The following ZNF354B variants were observed in gnomAD, a reference collection of about 807,000 sequenced individuals.
The protein encoded by ZNF354B is zinc finger protein 354B.
ZNF354B carries 10 observed loss-of-function variants against 12.9 expected under a neutral mutation model. That is an observed-to-expected ratio of 0.77 (90% CI 0.48 to 1.31). The LOEUF is 1.31. Among genes scored for constraint, ZNF354B ranks in the 40% most tolerant of loss-of-function variants. ZNF354B has a pLI of 0.00. For missense variants in ZNF354B, 614 were observed against 711.7 expected (o/e 0.86, Z 1.56); for synonymous variants, 260 against 243.7 (o/e 1.07, Z -0.62).
intron 4 of ZNF354B, among the ~76,000 whole-genome samples, chr5:178,872,247 G>C (rs1203101574): frequency 6.8e-6 from 1 of 148,046 alleles, no homozygotes; most frequent in East Asian, 1.9e-4. Flanking sequence ...TGTGTACAAC[G>C]TTATGGGATT....
intron 2 of ZNF354B, among the ~76,000 whole-genome samples, chr5:178,861,895 T>C (rs1035903919): frequency 6.6e-6 from 1 of 152,152 alleles, no homozygotes; most frequent in African/African-American, 2.4e-5. Context: ...GATGAAGGGA[T>C]CACATGAGTT....
chr5:178,863,875 A>G (rs1435906980), intron 2 of ZNF354B, among the ~76,000 whole-genome samples: 2 of 152,238 alleles, frequency 1.3e-5, no homozygotes, highest in Admixed American at 1.3e-4. Context: ...TAAAGTAAAA[A>G]TAAAATTAAA....
intron 4 of ZNF354B, among the ~76,000 whole-genome samples, chr5:178,870,085 G>A (rs1004492202): frequency 6.6e-6 from 1 of 152,146 alleles, no homozygotes; most frequent in African/African-American, 2.4e-5. Context: ...GCCAAGGTGG[G>A]AGGATCACTT....
intron 4 of ZNF354B, among the ~76,000 whole-genome samples, chr5:178,876,657 G>A (rs1757642879): frequency 6.6e-6 from 1 of 152,054 alleles, no homozygotes; most frequent in Non-Finnish European, 1.5e-5. Context: ...CCTATGGCCC[G>A]CTTAAACCTT....
At position 178,883,785 on chromosome 5, in the gene ZNF354B, A is replaced by G; in HGVS notation, c.1333A>G (p.Lys445Glu). 6.2e-7 allele frequency: 1 copy of G among 1,614,194 alleles called. No homozygotes were observed. The highest frequency in any genetic ancestry group is 2.2e-5 in the East Asian group (1 of 44,878). Residue 445 changes from lysine to glutamate, a missense_variant, in exon 5 of 5, where the codon AAA (lysine) becomes GAA (glutamate). By Grantham distance (56) the Lys-to-Glu change is moderately conservative. Transcript: ENST00000322434. ...EKLYNCNECG[K>E]ALSSHSTLII... ...ATTGTATAATTGTAATGAATGTGGT[A>G]AAGCCTTAAGCTCCCACTCAACACT...
rs867552856 is a variant in ZNF354B, at chr5:178,884,250, C to T, written c.1798C>T (p.His600Tyr). 1.2e-6 allele frequency: 2 copies of T among 1,606,574 alleles called. No individual in the cohort carries two copies. Among genetic ancestry groups the T allele is most frequent in the Middle Eastern group, 3.3e-4 (2 of 6,004 alleles). The change falls in exon 5 of 5, where the codon CAC becomes TAC. Residue 600 changes from histidine to tyrosine, a missense_variant. By Grantham distance (83) the His-to-Tyr change is moderately conservative. Transcript: ENST00000322434. ...RSSLTNHYKI[H>Y]IEEDSLKADL... is the part of the protein sequence containing the mutation. ...ATCCCTTACTAATCATTATAAAATT[C>T]ACATTGAAGAGGACTCCTTAAAAGC...
At chr5:178,868,916 G>C (rs182786808) in intron 4 of ZNF354B, among the ~76,000 whole-genome samples, 1 of 150,862 alleles carries the variant, frequency 6.6e-6, no homozygotes, top group African/African-American at 2.4e-5. Context: ...AACTTGCAGC[G>C]AGCCGAGATC....
In ZNF354B at chr5:178,883,145, A is replaced by G. The variant is rs1561671846; in HGVS notation, c.693A>G (p.Lys231=). The stretch of plus-strand genomic sequence containing the variant: ...TCATTCACAATTCATCCCTTCGTAA[A>G]CATCAGAAAAACCACACTGGAGAAA... ...KAFIHNSSLR[K]HQKNHTGEKL... Residue 231 remains lysine (K), a synonymous_variant, in exon 5 of 5, where the codon AAA becomes AAG. Transcript: ENST00000322434. 1.2e-6 allele frequency: 2 copies of G among 1,613,194 alleles called. No individual in the cohort carries two copies. Among genetic ancestry groups the G allele is most frequent in the Non-Finnish European group, 1.7e-6 (2 of 1,179,796 alleles).
chr5:178,880,629 G>A (rs1052012902), intron 4 of ZNF354B, among the ~76,000 whole-genome samples: 11 of 150,772 alleles, frequency 7.3e-5, no homozygotes, highest in African/African-American at 2.4e-4. Flanking sequence ...ATGTAGCCAG[G>A]ACTGCAGATG....
chr5:178,869,984 T>C (rs138924263), intron 4 of ZNF354B, among the ~76,000 whole-genome samples: 5 of 152,100 alleles, frequency 3.3e-5, no homozygotes, highest in Non-Finnish European at 7.4e-5. Flanking sequence ...TTCCTGGAAT[T>C]ATCTCAGATT....
chr5:178,883,052 TTTAC>T lies in ZNF354B; in HGVS notation c.604_607del (p.Leu202ThrfsTer46). The T allele has an allele frequency of 2.5e-6, 4 of 1,605,032 alleles. No homozygotes were observed. The highest frequency in any genetic ancestry group is 3.4e-6 in the Non-Finnish European group (4 of 1,177,864). The stretch of plus-strand genomic sequence containing the variant: ...GAAATAGTTTCAAGCAGAATTCAAA[TTTAC>T]TTAACCAATCAAAAATCAAAACAGC... On this transcript the variant is annotated frameshift_variant, in exon 5 of 5. Coordinates refer to ENST00000322434, the MANE Select transcript of ZNF354B (RefSeq NM_058230.3). LOFTEE classifies it low-confidence loss of function (END_TRUNC).
intron 4 of ZNF354B, among the ~76,000 whole-genome samples, chr5:178,870,858 T>C (rs1413793735): frequency 6.6e-6 from 1 of 152,026 alleles, no homozygotes; most frequent in Non-Finnish European, 1.5e-5. Context: ...GAGGTCTTGC[T>C]ATGCTGCCCA....
In ZNF354B at chr5:178,884,079, A is replaced by G; in HGVS notation, c.1627A>G (p.Ile543Val). ...QSAALIQHQR[I>V]HTGEKPFKCN... ...TGCAGCTCTTATACAACATCAGAGG[A>G]TTCATACAGGAGAAAAACCCTTTAA... is the stretch of plus-strand genomic sequence containing the variant. Residue 543 changes from isoleucine (I) to valine (V), a missense_variant, in exon 5 of 5, where the codon ATT (isoleucine) becomes GTT (valine). Transcript: ENST00000322434. 6.2e-7 allele frequency: 1 copy of G among 1,614,128 alleles called. No homozygotes were observed. The highest frequency in any genetic ancestry group is 8.5e-7 in the Non-Finnish European group (1 of 1,179,980).
intron 4 of ZNF354B, among the ~76,000 whole-genome samples, chr5:178,875,277 G>A (rs945151997): frequency 1.3e-5 from 2 of 152,212 alleles, no homozygotes; most frequent in African/African-American, 4.8e-5. Context: ...TCCGGTTGGT[G>A]GTAGTTGTGG....
At chr5:178,874,533 T>C (rs35957383) in intron 4 of ZNF354B, among the ~76,000 whole-genome samples, 22,588 of 152,262 alleles carry the variant, frequency 0.15, 2,059 homozygotes, top group African/African-American at 0.25. Context: ...TGGTCTGTTC[T>C]GCATTTCAGT....
chr5:178,884,084 T>A lies in ZNF354B; in HGVS notation c.1632T>A (p.His544Gln). ...CTCTTATACAACATCAGAGGATTCA[T>A]ACAGGAGAAAAACCCTTTAAATGTA... Reference protein sequence around the residue: ...SAALIQHQRIHTGEKPFKCNT... With the variant: ...SAALIQHQRIQTGEKPFKCNT... The change falls in exon 5 of 5, where the codon CAT becomes CAA. Residue 544 changes from histidine to glutamine, a missense_variant. Physicochemically the swap from His to Gln is conservative, Grantham distance 24 (BLOSUM62 0). Coordinates refer to ENST00000322434, the MANE Select transcript of ZNF354B (RefSeq NM_058230.3). 6.2e-7 allele frequency: 1 copy of A among 1,614,102 alleles called. No homozygotes were observed. Among genetic ancestry groups the A allele is most frequent in the South Asian group, 1.1e-5 (1 of 91,084 alleles).
intron 4 of ZNF354B, among the ~76,000 whole-genome samples, chr5:178,872,125 G>A (rs1757572615): frequency 6.6e-6 from 1 of 152,080 alleles, no homozygotes; most frequent in South Asian, 2.1e-4. Context: ...TTTCCCTCTT[G>A]TTCACTGCCC....
At chr5:178,878,629 A>G (rs1051940028) in intron 4 of ZNF354B, among the ~76,000 whole-genome samples, 1 of 152,220 alleles carries the variant, frequency 6.6e-6, no homozygotes, top group African/African-American at 2.4e-5. Flanking sequence ...CTTGCTCTGA[A>G]AAGAAATAAA....
At chr5:178,868,710 C>T (rs1420691928) in intron 4 of ZNF354B, among the ~76,000 whole-genome samples, 1 of 152,102 alleles carries the variant, frequency 6.6e-6, no homozygotes, top group Non-Finnish European at 1.5e-5. Flanking sequence ...CAGTGGCTCA[C>T]GCCTGTAATC....
Sources: gnomAD v4.1 joint callset for allele counts (sites outside exome capture counted in the v4.1 genomes callset) on GRCh38, gnomAD v4.1.1 for gene constraint, MANE v1.5 for transcripts, NCBI Gene and HGNC (gene_info 2026-07-23, HGNC 2026-07-21) for gene names.